Variants in SRFBP1 observed in about 807,000 individuals in gnomAD.
SRFBP1 encodes serum response factor-binding protein 1.
SRFBP1 carries 47 observed loss-of-function variants against 45.5 expected under a neutral mutation model. The ratio of observed to expected loss-of-function variants is 1.03; its 90% CI spans 0.82 to 1.32. SRFBP1 has a LOEUF of 1.32. Ranked by LOEUF, SRFBP1 falls within the 40% of genes most tolerant of loss-of-function variation. The pLI is 0.00. For synonymous variants in SRFBP1, 203 were observed against 166.3 expected, an observed-to-expected ratio of 1.22 and a Z score of -1.70; for missense variants, 621 against 484.6, an observed-to-expected ratio of 1.28 and a Z score of -2.64.
rs34687337 is a variant in SRFBP1 at position 121,966,946 on chromosome 5, ATT to A, written c.36+4897_36+4898del. Among the ~76,000 whole-genome samples the A allele has an allele frequency of 4.4e-4, 51 of 114,660 alleles. 1 individual carries two copies. In the South Asian group the frequency reaches 8.0e-3, roughly 18 times the overall value. 75.2% of individuals were successfully genotyped at this position (114,660 alleles called of 152,430 possible). ...AGGCGTCCACCATCACGCCCAGCTA[ATT>A]TTTTTTTTTTTTTTTTTTGTATTTT... is the stretch of plus-strand genomic sequence containing the variant. On this transcript the variant is annotated intron_variant, in intron 1 of 7. Transcript: ENST00000339397.
At chr5:122,036,540 A>G (rs747255964) in intron 2 of SRFBP1, among the ~76,000 whole-genome samples, 1 of 152,188 alleles carries the variant, frequency 6.6e-6, no homozygotes, top group African/African-American at 2.4e-5. Context: ...GTTTATGTTA[A>G]CAATGTGATT....
Position 122,020,548 on chromosome 5 carries a change from G to A in SRFBP1, c.813G>A (p.Lys271=), listed in dbSNP as rs1421215557. 2 of 1,614,180 alleles carry A rather than the reference G, an allele frequency of 1.2e-6. No homozygotes were observed. The highest frequency in any genetic ancestry group is 3.3e-5 in the Admixed American group (2 of 60,034). Residue 271 remains lysine (K), a synonymous_variant, in exon 6 of 8, where the codon AAG becomes AAA. Coordinates refer to ENST00000339397, the MANE Select transcript of SRFBP1 (RefSeq NM_152546.3). The part of the protein sequence containing the change: ...FDDSTEERFY[K]QSSMSEDSDS... ...ATAGCACAGAAGAAAGGTTTTACAA[G>A]CAGTCTTCCATGTCTGAAGATAGTG...
At chr5:121,986,065 A>G (rs538396871) in intron 3 of SRFBP1, among the ~76,000 whole-genome samples, 57 of 152,118 alleles carry the variant, frequency 3.7e-4, no homozygotes, top group Non-Finnish European at 4.4e-4. Flanking sequence ...ATTATTAGAT[A>G]ATAGTAAAAG....
intron 2 of SRFBP1, chr5:122,065,821 A>G (rs1052707271): frequency 1.3e-5 from 2 of 152,112 alleles, no homozygotes; most frequent in Non-Finnish European, 2.9e-5. Flanking sequence ...TTTTTATGTC[A>G]GCAAGAAAAT....
At chr5:122,001,161 C>T (rs531924210) in intron 4 of SRFBP1, among the ~76,000 whole-genome samples, 2 of 151,942 alleles carry the variant, frequency 1.3e-5, no homozygotes, top group East Asian at 1.9e-4. Flanking sequence ...TGTAATAAAT[C>T]AGAGCATACT....
At chr5:122,070,188 C>T (rs1754410123) in intron 2 of SRFBP1, 5 of 1,331,412 alleles carry the variant, frequency 3.8e-6, no homozygotes, top group Non-Finnish European at 5.4e-6. Context: ...ACAAAGAGTT[C>T]CTCAGTATTT....
At chr5:122,026,335 C>T (rs1753479570) in intron 7 of SRFBP1, among the ~76,000 whole-genome samples, 1 of 152,192 alleles carries the variant, frequency 6.6e-6, no homozygotes, top group African/African-American at 2.4e-5. Flanking sequence ...GACTAGAATA[C>T]AAGTTGCCAC....
intron 2 of SRFBP1, among the ~76,000 whole-genome samples, chr5:122,033,758 C>T (rs550403551): frequency 1.3e-4 from 19 of 150,652 alleles, no homozygotes; most frequent in African/African-American, 4.6e-4. Flanking sequence ...CACGCCCAGC[C>T]GGTGCTTCTG....
At chr5:122,041,544 AT>A (rs574170953) in intron 2 of SRFBP1, among the ~76,000 whole-genome samples, 5 of 148,728 alleles carry the variant, frequency 3.4e-5, no homozygotes, top group African/African-American at 9.8e-5. Context: ...TTTAGCTTTA[AT>A]TTTTTTTCAA....
intron 4 of SRFBP1, among the ~76,000 whole-genome samples, chr5:121,998,263 C>G (rs989215107): frequency 1.3e-5 from 2 of 151,690 alleles, no homozygotes; most frequent in Non-Finnish European, 2.9e-5. Context: ...TTGGAACCAA[C>G]CCAAATGTCC....
intron 3 of SRFBP1, among the ~76,000 whole-genome samples, chr5:121,984,150 G>C (rs1237944660): frequency 6.6e-6 from 1 of 151,758 alleles, no homozygotes; most frequent in East Asian, 1.9e-4. Context: ...AACCTCTAAA[G>C]TAGTGATTTT....
intron 2 of SRFBP1, among the ~76,000 whole-genome samples, chr5:122,067,474 T>A (rs1454988018): frequency 1.3e-5 from 2 of 152,090 alleles, no homozygotes; most frequent in Admixed American, 6.6e-5. Flanking sequence ...TGCTCTTAAA[T>A]ATCTGGCAGG....
intron 3 of SRFBP1, among the ~76,000 whole-genome samples, chr5:121,988,973 A>T: frequency 6.6e-6 from 1 of 152,206 alleles, no homozygotes; most frequent in Middle Eastern, 3.2e-3. Context: ...CAGAATATTT[A>T]GAGTATTTGC....
chr5:121,977,012 A>G (rs190660940), intron 3 of SRFBP1, among the ~76,000 whole-genome samples: 36 of 152,146 alleles, frequency 2.4e-4, no homozygotes, highest in Admixed American at 2.2e-3. Flanking sequence ...AATTTCAGTG[A>G]TACATTTGAT....
At chr5:122,006,549 C>T (rs924734608) in intron 4 of SRFBP1, among the ~76,000 whole-genome samples, 1 of 152,056 alleles carries the variant, frequency 6.6e-6, no homozygotes, top group Non-Finnish European at 1.5e-5. Context: ...TCTTTTGATG[C>T]TGTTCCATAA....
Position 122,018,173 on chromosome 5 carries a change from G to A in SRFBP1, c.271-1087G>A, listed in dbSNP as rs143876921. On this transcript the variant is annotated intron_variant, in intron 4 of 7. Transcript: ENST00000339397. ...AATGGTATGGGCTAAGCATCAGAAAGCAATAAAGCTTAAAGAAGAACAGAT... is the reference window on the plus strand; with the variant it reads ...AATGGTATGGGCTAAGCATCAGAAAACAATAAAGCTTAAAGAAGAACAGAT... Among the ~76,000 whole-genome samples the A allele has an allele frequency of 8.8e-4, 134 of 152,308 alleles. 1 individual carries two copies. The East Asian group carries it at 0.022, about 25-fold the overall frequency.
At chr5:122,037,558 C>G (rs557916011) in intron 2 of SRFBP1, among the ~76,000 whole-genome samples, 2 of 152,128 alleles carry the variant, frequency 1.3e-5, no homozygotes, top group Non-Finnish European at 2.9e-5. Context: ...TGTTGAAGAG[C>G]AGTGGCGTAA....
downstream of SRFBP1, chr5:122,076,853 G>A (rs1754651783): frequency 1.9e-6 from 3 of 1,577,376 alleles, no homozygotes; most frequent in Non-Finnish European, 2.6e-6. Flanking sequence ...CCCCCTGAAG[G>A]TAGACCGGGG....
chr5:121,989,332 C>T lies in SRFBP1; in HGVS notation c.199-5267C>T, dbSNP rs924354582. ...CCGCCCACCTCAGCCTCCCAAAGTG[C>T]TGGGATTACAGGTGTGAGCCACCGA... is the stretch of plus-strand genomic sequence containing the variant. On this transcript the variant is annotated intron_variant, in intron 3 of 7. Coordinates refer to ENST00000339397, the MANE Select transcript of SRFBP1 (RefSeq NM_152546.3). Among the ~76,000 whole-genome samples the T allele has an allele frequency of 5.9e-5, 9 of 152,072 alleles. 1 individual carries two copies. Among genetic ancestry groups the T allele is most frequent in the Non-Finnish European group, 1.3e-4 (9 of 68,018 alleles).
Sources: gnomAD v4.1 joint callset for allele counts (sites outside exome capture counted in the v4.1 genomes callset) on GRCh38, gnomAD v4.1.1 for gene constraint, MANE v1.5 for transcripts, NCBI Gene and HGNC (gene_info 2026-07-23, HGNC 2026-07-21) for gene names.